The following ALDH8A1 variants were observed in gnomAD, a reference collection of about 807,000 sequenced individuals.
ALDH8A1 encodes the protein 2-aminomuconic semialdehyde dehydrogenase.
A neutral mutation model predicts 43.3 loss-of-function variants in ALDH8A1; 39 were observed. The ratio of observed to expected loss-of-function variants is 0.90; its 90% CI spans 0.70 to 1.18. The LOEUF is 1.18. ALDH8A1 is among the 50% of genes most tolerant of loss of function. ALDH8A1 has a pLI of 0.00. For missense variants in ALDH8A1, 605 were observed against 622.6 expected, an observed-to-expected ratio of 0.97 and a Z score of 0.30; for synonymous variants, 233 against 243.5, an observed-to-expected ratio of 0.96 and a Z score of 0.40.
intron 1 of ALDH8A1, among the ~76,000 whole-genome samples, chr6:134,944,749 C>T (rs775665162): frequency 4.0e-5 from 6 of 151,014 alleles, no homozygotes; most frequent in Non-Finnish European, 7.4e-5. Flanking sequence ...ATTAGTTGGG[C>T]GTTGTGGTGC....
rs771717393 is a variant in ALDH8A1, at chr6:134,942,464, CGTGCACTCTGACGTGTG to C, written c.370_386del (p.His124AlafsTer52). 6.8e-6 allele frequency: 11 copies of C among 1,614,214 alleles called. No homozygotes were observed. In the South Asian group the frequency reaches 1.2e-4, roughly 18 times the overall value. On this transcript the variant is annotated frameshift_variant, in exon 3 of 7. Transcript: ENST00000265605. LOFTEE classifies it high-confidence loss of function. The stretch of plus-strand genomic sequence containing the variant: ...GCATGCAGCCCAGGTGGTCCATCTG[CGTGCACTCTGACGTGTG>C]GTGCAGGCTGGAGGAAGCGAAGAAC...
chr6:134,933,085 A>G (rs1235469495), intron 4 of ALDH8A1, 53 bp from the exon 5 acceptor site: 11 of 1,476,704 alleles, frequency 7.4e-6, no homozygotes, highest in Non-Finnish European at 9.8e-6. Flanking sequence ...TGAAGAGTTC[A>G]AGTTACTTGG....
chr6:134,924,923 T>TATA (rs1776860168), intron 6 of ALDH8A1, among the ~76,000 whole-genome samples: 1 of 152,224 alleles, frequency 6.6e-6, no homozygotes, highest in Non-Finnish European at 1.5e-5. Flanking sequence ...GTGAATGATG[T>TATA]CTTTAACTAA....
intron 2 of ALDH8A1, 145 bp downstream of exon 2, chr6:134,943,674 G>A: frequency 7.8e-7 from 1 of 1,279,514 alleles, no homozygotes; most frequent in Non-Finnish European, 1.1e-6. Flanking sequence ...GCCTTCCCAG[G>A]CCTGGAGCAG....
At chr6:134,937,576 G>A (rs573927972) in intron 4 of ALDH8A1, among the ~76,000 whole-genome samples, 8 of 152,318 alleles carry the variant, frequency 5.3e-5, no homozygotes, top group African/African-American at 1.9e-4. Flanking sequence ...CAGACTGGCT[G>A]GGAAAGATAA....
intron 4 of ALDH8A1, among the ~76,000 whole-genome samples, chr6:134,935,181 C>G (rs991174511): frequency 2.0e-5 from 3 of 152,202 alleles, no homozygotes; most frequent in Admixed American, 6.5e-5. Context: ...ATGCATGAAC[C>G]TTATGATTCT....
chr6:134,948,992 C>T (rs1773999046), intron 1 of ALDH8A1, among the ~76,000 whole-genome samples: 1 of 151,842 alleles, frequency 6.6e-6, no homozygotes, highest in Non-Finnish European at 1.5e-5. Flanking sequence ...ACATTAATCC[C>T]TAAGTCTGAA....
intron 6 of ALDH8A1, among the ~76,000 whole-genome samples, chr6:134,926,235 G>T (rs1262198080): frequency 7.7e-6 from 1 of 129,044 alleles, no homozygotes; most frequent in South Asian, 2.4e-4. Flanking sequence ...TTGAGACAGC[G>T]TCTCATTCTG....
Position 134,919,823 on chromosome 6 carries a change from C to T in ALDH8A1, c.1012-956G>A, listed in dbSNP as rs528419140. 2.0e-5 allele frequency among the ~76,000 whole-genome samples: 3 copies of T among 152,234 alleles called. No homozygotes were observed. In the South Asian group the frequency reaches 6.2e-4, roughly 32 times the overall value. ...TTGTAGAACTATATTCAGTGTAGAA[C>T]TATATGTATATTCTCCATGTAAAAT... On this transcript the variant is annotated intron_variant, in intron 6 of 6. Coordinates refer to ENST00000265605, the MANE Select transcript of ALDH8A1 (RefSeq NM_022568.4).
intron 1 of ALDH8A1, among the ~76,000 whole-genome samples, chr6:134,949,048 A>C (rs1260174272): frequency 6.6e-6 from 1 of 152,090 alleles, no homozygotes; most frequent in Non-Finnish European, 1.5e-5. Flanking sequence ...AACAAAAAAG[A>C]AAAAAAATAG....
intron 6 of ALDH8A1, among the ~76,000 whole-genome samples, chr6:134,928,719 T>A (rs1452370902): frequency 6.6e-5 from 10 of 152,226 alleles, no homozygotes; most frequent in Non-Finnish European, 1.5e-4. Flanking sequence ...CCAAAGAGAA[T>A]GTTTGCCTGT....
rs1583036533 is a variant in ALDH8A1, at chr6:134,943,910, G to A, written c.195C>T (p.Ser65=). The A allele has an allele frequency of 1.2e-6, 2 of 1,614,152 alleles. No individual in the cohort carries two copies. The highest frequency in any genetic ancestry group is 1.7e-6 in the Non-Finnish European group (2 of 1,179,990). The change falls in exon 2 of 7, where the codon AGC becomes AGT. Residue 65 remains serine, a synonymous_variant. Coordinates refer to ENST00000265605, the MANE Select transcript of ALDH8A1 (RefSeq NM_022568.4). ...REAFPSWSSR[S]PQERSRVLNQ... is the part of the protein sequence containing the mutation. Reference sequence around the variant, plus strand: ...TCAGGACCCGTGAGCGCTCCTGGGGGCTGCGGGATGACCAGCTGGGAAAGG... The same window carrying A: ...TCAGGACCCGTGAGCGCTCCTGGGGACTGCGGGATGACCAGCTGGGAAAGG...
chr6:134,937,399 C>A (rs1236165287), intron 4 of ALDH8A1, among the ~76,000 whole-genome samples: 1 of 152,164 alleles, frequency 6.6e-6, no homozygotes, highest in Non-Finnish European at 1.5e-5. Context: ...AAGAGAGGAG[C>A]AAGGTGAACA....
chr6:134,942,220 A>G, intron 3 of ALDH8A1, 189 bp downstream of exon 3: 1 of 745,926 alleles, frequency 1.3e-6, no homozygotes, highest in Non-Finnish European at 2.0e-6. Context: ...ACGCTGTCTA[A>G]AAAGAAAAGC....
chr6:134,925,149 G>C (rs1257574616), intron 6 of ALDH8A1, among the ~76,000 whole-genome samples: 1 of 152,052 alleles, frequency 6.6e-6, no homozygotes, highest in Non-Finnish European at 1.5e-5. Context: ...TACTATTGAG[G>C]TATTAACGAT....
intron 5 of ALDH8A1, among the ~76,000 whole-genome samples, chr6:134,931,335 C>G (rs1221421888): frequency 2.0e-5 from 3 of 152,172 alleles, no homozygotes; most frequent in Non-Finnish European, 4.4e-5. Context: ...GCTAACTCGG[C>G]ACACTGCAAC....
intron 2 of ALDH8A1, 53 bp from the exon 3 acceptor site, chr6:134,942,617 C>A (rs576004905): frequency 1.3e-6 from 2 of 1,555,266 alleles, no homozygotes; most frequent in African/African-American, 1.4e-5. Context: ...ACACTCTATC[C>A]ATCAGCTTCC....
intron 3 of ALDH8A1, chr6:134,940,106 G>A (rs1378719412): frequency 7.1e-6 from 2 of 282,064 alleles, no homozygotes; most frequent in Non-Finnish European, 1.4e-5. Flanking sequence ...TTAGGATAAA[G>A]AGCAAATGCA....
chr6:134,933,095 G>A (rs964518098), intron 4 of ALDH8A1, 63 bp from the exon 5 acceptor site: 3 of 1,465,556 alleles, frequency 2.0e-6, no homozygotes, highest in African/African-American at 2.8e-5. Flanking sequence ...AAGTTACTTG[G>A]AAATTCTCCT....
Sources: allele counts gnomAD v4.1 joint callset (sites outside exome capture counted in the v4.1 genomes callset), GRCh38; gene constraint gnomAD v4.1.1; transcripts MANE v1.5; gene names NCBI Gene and HGNC (gene_info 2026-07-23, HGNC 2026-07-21).